The following FBN1 variants were observed in gnomAD, a reference collection of about 807,000 sequenced individuals.
FBN1 encodes the protein fibrillin-1.
FBN1 carries 29 observed loss-of-function variants against 365.1 expected under a neutral mutation model. That is an observed-to-expected ratio of 0.08 (90% CI 0.06 to 0.11). The LOEUF is 0.11. Among genes scored for constraint, FBN1 ranks in the 10% least tolerant of loss-of-function variants. The probability of loss-of-function intolerance (pLI) is 1.00; values close to 1 mark genes in which losing one functional copy is unlikely to be tolerated. For missense variants in FBN1, 2,476 were observed against 3,703.2 expected, an observed-to-expected ratio of 0.67 and a Z score of 8.60; for synonymous variants, 1,210 against 1,270.5, an observed-to-expected ratio of 0.95 and a Z score of 1.01.
At chr15:48,435,774 G>A (rs56844128) in intron 53 of FBN1, among the ~76,000 whole-genome samples, 1,447 of 35,396 alleles carry the variant, frequency 0.041, 23 homozygotes, top group African/African-American at 0.091. Context: ...ATGTGTATAT[G>A]TGTGTGTGTG....
At chr15:48,448,736 T>A (rs756159420) in intron 46 of FBN1, 32 bp downstream of exon 46, 1 of 1,602,702 alleles carries the variant, frequency 6.2e-7, no homozygotes, top group East Asian at 2.3e-5. Context: ...TTCAACAGCA[T>A]ATGAAAAAAA....
At chr15:48,543,848 A>G (rs145621917) in intron 6 of FBN1, among the ~76,000 whole-genome samples, 209 of 152,354 alleles carry the variant, frequency 1.4e-3, no homozygotes, top group African/African-American at 4.6e-3. Context: ...TTGTGGTTAC[A>G]TACAAGAATG....
intron 18 of FBN1, 119 bp from the exon 19 acceptor site, chr15:48,497,510 C>A (rs975977461): frequency 3.2e-6 from 3 of 923,588 alleles, no homozygotes; most frequent in Admixed American, 4.2e-5. Context: ...GGAAAAAAAT[C>A]GATTTCACTG....
Position 48,503,808 on chromosome 15 carries a change from G to A in FBN1, c.2092C>T (p.Pro698Ser), listed in dbSNP as rs1085307625. Residue 698 changes from proline (P) to serine (S), a missense_variant, in exon 17 of 66, where the codon CCG becomes TCG. Physicochemically the swap from Pro to Ser is moderately conservative, Grantham distance 74. Transcript: ENST00000316623. ...TEYAFGEPCQ[P>S]CPAQNSAEYQ... is the part of the protein sequence containing the mutation. ...ATACCTGAATTCTGTGCAGGACACG[G>A]CTGGCAAGGTTCCCCAAATGCATAC... 6.2e-7 allele frequency: 1 copy of A among 1,613,998 alleles called. No homozygotes were observed. Among genetic ancestry groups the A allele is most frequent in the Non-Finnish European group, 8.5e-7 (1 of 1,179,968 alleles).
intron 4 of FBN1, among the ~76,000 whole-genome samples, chr15:48,606,611 A>G (rs2044612776): frequency 6.6e-6 from 1 of 152,226 alleles, no homozygotes; most frequent in African/African-American, 2.4e-5. Flanking sequence ...AATGACAATA[A>G]AAGGGTAACA....
At chr15:48,417,931 T>C (rs1242933620) in intron 63 of FBN1, among the ~76,000 whole-genome samples, 1 of 152,216 alleles carries the variant, frequency 6.6e-6, no homozygotes, top group Non-Finnish European at 1.5e-5. Context: ...TGCTCCCCTG[T>C]CCCTCACTTT....
intron 44 of FBN1, among the ~76,000 whole-genome samples, chr15:48,454,108 CA>C (rs2043221793): frequency 6.6e-6 from 1 of 152,220 alleles, no homozygotes; most frequent in Non-Finnish European, 1.5e-5. Context: ...CAGAATGTCT[CA>C]AATCTTAAAG....
rs2043106034 is a variant in FBN1, at chr15:48,440,774, G to C, written c.6163+947C>G. ...AAATGAGGAAATTGAGCTTCCAAAA[G>C]ATTAAATGACTTGCTCTAGACTAAA... On this transcript the variant is annotated intron_variant, in intron 50 of 65. Coordinates refer to ENST00000316623, the MANE Select transcript of FBN1 (RefSeq NM_000138.5). 2.0e-5 allele frequency among the ~76,000 whole-genome samples: 3 copies of C among 152,008 alleles called. No individual in the cohort carries two copies. In the South Asian group the frequency reaches 6.2e-4, roughly 32 times the overall value.
chr15:48,571,553 A>T (rs184280408), intron 6 of FBN1, among the ~76,000 whole-genome samples: 11 of 152,282 alleles, frequency 7.2e-5, no homozygotes, highest in African/African-American at 2.2e-4. Context: ...AAAGAAGATT[A>T]AAAAAAGATT....
intron 41 of FBN1, among the ~76,000 whole-genome samples, chr15:48,463,599 T>A (rs954798763): frequency 8.5e-5 from 13 of 152,218 alleles, no homozygotes; most frequent in African/African-American, 3.1e-4. Context: ...ATACTGTAGG[T>A]CAGCACTGTA....
intron 23 of FBN1, among the ~76,000 whole-genome samples, chr15:48,493,744 A>G (rs566778307): frequency 6.6e-6 from 1 of 152,316 alleles, no homozygotes; most frequent in East Asian, 1.9e-4. Flanking sequence ...TGTCTATCTG[A>G]AACTCCAGGA....
intron 2 of FBN1, among the ~76,000 whole-genome samples, chr15:48,620,149 A>G (rs1889738947): frequency 6.6e-6 from 1 of 152,196 alleles, no homozygotes; most frequent in African/African-American, 2.4e-5. Flanking sequence ...TCAAATAGGA[A>G]GCACTATGGG....
chr15:48,621,774 G>A (rs944707921), intron 2 of FBN1, among the ~76,000 whole-genome samples: 9 of 151,802 alleles, frequency 5.9e-5, no homozygotes, highest in Non-Finnish European at 1.5e-5. Flanking sequence ...GGATCACAAG[G>A]TCAGGAGATC....
intron 2 of FBN1, among the ~76,000 whole-genome samples, chr15:48,620,274 A>C (rs1889741884): frequency 6.6e-6 from 1 of 152,198 alleles, no homozygotes; most frequent in African/African-American, 2.4e-5. Context: ...AATGTTACAC[A>C]TCATTGAGGG....
chr15:48,584,202 A>G (rs2044418440), intron 6 of FBN1, among the ~76,000 whole-genome samples: 1 of 152,162 alleles, frequency 6.6e-6, no homozygotes, highest in Admixed American at 6.5e-5. Context: ...AATCTTCCTG[A>G]CAATCTTACT....
At position 48,465,830 on chromosome 15, in the gene FBN1, C is replaced by T. The variant is rs1597547273; in HGVS notation, c.4776G>A (p.Gly1592=). 1 of 1,613,614 alleles carries T rather than the reference C, an allele frequency of 6.2e-7. No homozygotes were observed. Among genetic ancestry groups the T allele is most frequent in the Non-Finnish European group, 8.5e-7 (1 of 1,179,636 alleles). ...TSEYKILCPG[G]EGFRPNPITV... ...TGATAGGATTTGGTCGGAAACCTTC[C>T]CCTCCAGGACAAAGAATTTTGTACT... The change falls in exon 39 of 66, where the codon GGG becomes GGA. Residue 1592 remains glycine (G), a synonymous_variant. Coordinates refer to ENST00000316623, the MANE Select transcript of FBN1 (RefSeq NM_000138.5).
At position 48,468,477 on chromosome 15, in the gene FBN1, G is replaced by A; in HGVS notation, c.4517C>T (p.Pro1506Leu). 3 of 1,614,040 alleles carry A rather than the reference G, an allele frequency of 1.9e-6. No homozygotes were observed. Among genetic ancestry groups the A allele is most frequent in the South Asian group, 1.1e-5 (1 of 91,074 alleles). Residue 1506 changes from proline to leucine, a missense_variant, in exon 37 of 66, where the codon CCA (proline) becomes CTA (leucine). Physicochemically the swap from Pro to Leu is moderately conservative, Grantham distance 98. Around this residue, in one of 5 missense-constraint regions of FBN1, gnomAD observed 1,780 missense variants for 2,840.8 expected, o/e 0.63. Transcript: ENST00000316623. ...TGGGCAGTCACAGATATAGCTGCCT[G>A]GAGTGTTGACACAGTTCCCACTGAT... ...TCISGNCVNT[P>L]GSYICDCPPD...
At chr15:48,458,313 A>T (rs192178495) in intron 43 of FBN1, among the ~76,000 whole-genome samples, 9 of 152,184 alleles carry the variant, frequency 5.9e-5, no homozygotes, top group African/African-American at 1.9e-4. Flanking sequence ...TCATAGATTT[A>T]TTTTAGACCC....
chr15:48,413,539 C>T (rs903945238), intron 64 of FBN1, among the ~76,000 whole-genome samples: 7 of 152,134 alleles, frequency 4.6e-5, no homozygotes, highest in Non-Finnish European at 2.9e-5. Flanking sequence ...TTCACAAGTA[C>T]CTTGTTTTGT....
Sources: allele counts gnomAD v4.1 joint callset (sites outside exome capture counted in the v4.1 genomes callset), GRCh38; gene constraint gnomAD v4.1.1; regional missense constraint gnomAD v4.1.1; transcripts MANE v1.5; gene names NCBI Gene and HGNC (gene_info 2026-07-23, HGNC 2026-07-21).